The following TRAF3 variants were observed in gnomAD, a reference collection of about 807,000 sequenced individuals.
TRAF3 encodes TNF receptor-associated factor 3.
Under a neutral mutation model 62.3 loss-of-function variants are expected in TRAF3, and 13 were observed. That is an observed-to-expected ratio of 0.21 (90% CI 0.14 to 0.33). TRAF3 has a LOEUF of 0.33. Ranked by LOEUF, TRAF3 falls within the 10% of genes least tolerant of loss-of-function variation. TRAF3 has a pLI of 1.00. For synonymous variants in TRAF3, 269 were observed against 283.4 expected (o/e 0.95, Z 0.51); for missense variants, 440 against 741.8 (o/e 0.59, Z 4.73).
chr14:102,792,113 C>CTT (rs35895214), intron 1 of TRAF3, among the ~76,000 whole-genome samples: 8,897 of 97,682 alleles, frequency 0.091, 2,894 homozygotes, highest in African/African-American at 0.11. Context: ...TGTGCCTGGA[C>CTT]TTTTTTTTTT....
At chr14:102,886,807 G>A (rs1448102465) in intron 7 of TRAF3, among the ~76,000 whole-genome samples, 1 of 152,184 alleles carries the variant, frequency 6.6e-6, no homozygotes, top group African/African-American at 2.4e-5. Context: ...AGCAAAGATT[G>A]TGAAGCATTA....
chr14:102,905,166 C>G, intron 11 of TRAF3, 47 bp from the exon 12 acceptor site: 1 of 1,571,582 alleles, frequency 6.4e-7, no homozygotes, highest in Non-Finnish European at 8.7e-7. Flanking sequence ...CCTAACCTCT[C>G]TGACGTTCAC....
At chr14:102,893,797 A>G (rs1282752060) in intron 9 of TRAF3, among the ~76,000 whole-genome samples, 1 of 152,208 alleles carries the variant, frequency 6.6e-6, no homozygotes, top group Non-Finnish European at 1.5e-5. Flanking sequence ...ATCAGAGCAG[A>G]GTCCTCGCCC....
intron 1 of TRAF3, among the ~76,000 whole-genome samples, chr14:102,797,911 A>G (rs757415877): frequency 2.6e-5 from 4 of 151,848 alleles, no homozygotes; most frequent in Non-Finnish European, 5.9e-5. Context: ...CTAAGTTTGT[A>G]TTTTTAGTAG....
chr14:102,877,894 C>A (rs919123678), intron 6 of TRAF3, among the ~76,000 whole-genome samples: 3 of 152,226 alleles, frequency 2.0e-5, no homozygotes, highest in Admixed American at 1.3e-4. Flanking sequence ...CATAAATAAT[C>A]CATTCCACAG....
In TRAF3 at chr14:102,903,595, C is replaced by T. The variant is rs1247171201; in HGVS notation, c.1135+166C>T. 2 of 1,038,312 alleles carry T rather than the reference C, an allele frequency of 1.9e-6. No homozygotes were observed. Among genetic ancestry groups the T allele is most frequent in the Non-Finnish European group, 2.9e-6 (2 of 692,630 alleles). 64.3% of individuals were successfully genotyped at this position (1,038,312 alleles called of 1,614,324 possible). On this transcript the variant is annotated intron_variant, in intron 11 of 11. Coordinates refer to ENST00000392745, the MANE Select transcript of TRAF3 (RefSeq NM_145725.3). This position sits in a 1 kb window ranked among gnomAD's most constrained non-coding sequence, Gnocchi z 6.4. The stretch of plus-strand genomic sequence containing the variant: ...TGTGATGACTTTCCTACTGAAAGTC[C>T]CCCAGCAAAGACAAACGTTTCCCGC...
chr14:102,809,822 G>A (rs1899017039), intron 1 of TRAF3, among the ~76,000 whole-genome samples: 1 of 152,044 alleles, frequency 6.6e-6, no homozygotes, highest in African/African-American at 2.4e-5. Context: ...GAGCCACCGC[G>A]CTTGGCCCAC....
At chr14:102,863,650 T>C (rs1273957730) in intron 2 of TRAF3, among the ~76,000 whole-genome samples, 1 of 152,220 alleles carries the variant, frequency 6.6e-6, no homozygotes, top group Non-Finnish European at 1.5e-5. Flanking sequence ...GTGTCAGAGC[T>C]TTTCAAACCT....
At chr14:102,795,619 T>TGTGTGTGCGC (rs767401587) in intron 1 of TRAF3, among the ~76,000 whole-genome samples, 27 of 151,848 alleles carry the variant, frequency 1.8e-4, no homozygotes, top group Non-Finnish European at 2.6e-4. Context: ...TGTGTGTGTG[T>TGTGTGTGCGC]GCATAGTTTT....
chr14:102,873,419 T>G (rs1888457410), intron 4 of TRAF3, among the ~76,000 whole-genome samples: 1 of 152,210 alleles, frequency 6.6e-6, no homozygotes, highest in Admixed American at 6.5e-5. Flanking sequence ...GCCTAACGTG[T>G]GAGTGAGAGA....
At chr14:102,893,803 C>T (rs74082956) in intron 9 of TRAF3, among the ~76,000 whole-genome samples, 38 of 152,260 alleles carry the variant, frequency 2.5e-4, no homozygotes, top group African/African-American at 8.2e-4. Context: ...GCAGAGTCCT[C>T]GCCCTGTTGT....
rs374359240 is a variant in TRAF3 at position 102,903,467 on chromosome 14, C to G, written c.1135+38C>G. 76 of 1,612,434 alleles carry G rather than the reference C, an allele frequency of 4.7e-5. No homozygotes were observed. The highest frequency in any genetic ancestry group is 6.4e-5 in the Non-Finnish European group (75 of 1,179,602). On this transcript the variant is annotated intron_variant, in intron 11 of 11. Coordinates refer to ENST00000392745, the MANE Select transcript of TRAF3 (RefSeq NM_145725.3). This position sits in a 1 kb window ranked among gnomAD's most constrained non-coding sequence, Gnocchi z 6.4. Reference sequence around the variant, plus strand: ...CCGGGGCCGGGCCAGCAGTGTGCATCTGGGCCCCGGGCGAGTGCTGGGGCG... The same window carrying G: ...CCGGGGCCGGGCCAGCAGTGTGCATGTGGGCCCCGGGCGAGTGCTGGGGCG...
Position 102,891,266 on chromosome 14 carries a change from G to T in TRAF3, c.727-59G>T, listed in dbSNP as rs2273393. ...CTGCTTTTAGGGTCGTATGTTAGCC[G>T]TTCTGCCCTTTGAAATGCAGCGAGG... On this transcript the variant is annotated intron_variant, in intron 8 of 11. Coordinates refer to ENST00000392745, the MANE Select transcript of TRAF3 (RefSeq NM_145725.3). The T allele has an allele frequency of 0.25, 379,475 of 1,512,416 alleles. 61,603 individuals carry two copies. The highest frequency in any genetic ancestry group is 0.77 in the African/African-American group (56,513 of 72,974). The allele number at this position is 1,512,416 out of a possible 1,614,324, so 93.7% of individuals were successfully genotyped here. A position where few individuals can be genotyped will look rare whatever the true frequency, so the allele number is the denominator to read the frequency against.
intron 9 of TRAF3, 122 bp from the exon 10 acceptor site, chr14:102,897,139 T>G: frequency 1.1e-6 from 1 of 946,186 alleles, no homozygotes. Context: ...AGGGATTTTT[T>G]TCTTCTGAAA....
At chr14:102,829,712 AT>A (rs1282267222) in intron 1 of TRAF3, among the ~76,000 whole-genome samples, 1 of 151,882 alleles carries the variant, frequency 6.6e-6, no homozygotes, top group Non-Finnish European at 1.5e-5. Flanking sequence ...TATCATGGGG[AT>A]TGGTTTTGGG....
At chr14:102,846,853 T>G (rs1028499831) in intron 2 of TRAF3, among the ~76,000 whole-genome samples, 1 of 151,988 alleles carries the variant, frequency 6.6e-6, no homozygotes, top group Non-Finnish European at 1.5e-5. Flanking sequence ...AAGCTAGTAC[T>G]TACTTACGTA....
intron 1 of TRAF3, among the ~76,000 whole-genome samples, chr14:102,804,919 G>A (rs1016913411): frequency 6.6e-6 from 1 of 152,062 alleles, no homozygotes; most frequent in African/African-American, 2.4e-5. Flanking sequence ...CACCAAAATT[G>A]ATCCTCCAGG....
chr14:102,789,325 G>T (rs1897671779), intron 1 of TRAF3, among the ~76,000 whole-genome samples: 1 of 152,096 alleles, frequency 6.6e-6, no homozygotes, highest in African/African-American at 2.4e-5. Flanking sequence ...ATAAACATTT[G>T]TGTACAAGTT....
Position 102,905,899 on chromosome 14 carries a change from G to A in TRAF3, c.*115G>A, listed in dbSNP as rs1307618230. 17 of 986,228 alleles carry A rather than the reference G, an allele frequency of 1.7e-5. No individual in the cohort carries two copies. The highest frequency in any genetic ancestry group is 2.6e-5 in the East Asian group (1 of 38,138). 61.1% of individuals were successfully genotyped at this position (986,228 alleles called of 1,614,324 possible). A position where few individuals can be genotyped will look rare whatever the true frequency, so the allele number is the denominator to read the frequency against. On this transcript the variant is annotated 3_prime_UTR_variant, in exon 12 of 12. Transcript: ENST00000392745. ...AAGGACCTTGTGAGACGGAGGAAGCGGCAGAAGGCGGACGCGTGCCGGCGG... is the reference window on the plus strand; with the variant it reads ...AAGGACCTTGTGAGACGGAGGAAGCAGCAGAAGGCGGACGCGTGCCGGCGG...
Sources: gnomAD v4.1 joint callset for allele counts (sites outside exome capture counted in the v4.1 genomes callset) on GRCh38, gnomAD v4.1.1 for gene constraint, Gnocchi (gnomAD v3.1) non-coding constraint, MANE v1.5 for transcripts, NCBI Gene and HGNC (gene_info 2026-07-23, HGNC 2026-07-21) for gene names.